FUT8: variants seen among roughly 807,000 people sequenced by gnomAD.
FUT8 encodes fucosyltransferase 8, also known as alpha-(1,6)-fucosyltransferase.
A neutral mutation model predicts 71.3 loss-of-function variants in FUT8; 29 were observed. The ratio of observed to expected loss-of-function variants is 0.41; its 90% CI spans 0.30 to 0.55. FUT8 has a LOEUF of 0.55. FUT8 is among the 20% of genes least tolerant of loss of function. The pLI, the probability that FUT8 is intolerant of heterozygous loss-of-function variation, is 0.34. For missense variants in FUT8, 544 were observed against 702.1 expected (o/e 0.77, Z 2.55); for synonymous variants, 254 against 239.3 (o/e 1.06, Z -0.57).
the FUT8 span, among the ~76,000 whole-genome samples, chr14:65,388,831 T>C: frequency 4.2e-4 from 64 of 152,206 alleles, no homozygotes; most frequent in Admixed American, 9.2e-4. Context: ...ATCCACATAA[T>C]GGAATATTGT....
chr14:65,628,708 TTACTC>T (rs1594834688), intron 5 of FUT8, among the ~76,000 whole-genome samples: 1 of 152,118 alleles, frequency 6.6e-6, no homozygotes, highest in African/African-American at 2.4e-5. Context: ...AGATTTTACT[TTACTC>T]TGCAGGTAAT....
At chr14:65,444,250 AT>A in intron 1 of FUT8, among the ~76,000 whole-genome samples, 1 of 152,248 alleles carries the variant, frequency 6.6e-6, no homozygotes, top group Non-Finnish European at 1.5e-5. Flanking sequence ...ACGAGATACC[AT>A]TACTTACCTA....
At chr14:65,542,360 A>G (rs1227743243) in intron 2 of FUT8, among the ~76,000 whole-genome samples, 3 of 152,150 alleles carry the variant, frequency 2.0e-5, no homozygotes, top group Non-Finnish European at 4.4e-5. Context: ...CCATCATCCA[A>G]CATTATCAGA....
intron 10 of FUT8, among the ~76,000 whole-genome samples, chr14:65,737,673 G>A (rs1342813891): frequency 2.0e-5 from 3 of 152,090 alleles, no homozygotes; most frequent in African/African-American, 7.2e-5. Context: ...GGTTGCAGAT[G>A]CTCACTTTAA....
Position 65,669,725 on chromosome 14 carries a change from C to T in FUT8, c.835+245C>T, listed in dbSNP as rs79774490. ...AAATCACTGAGTTTTTTTCAGGGAG[C>T]ATAATTTAATCTTTTAATAATAATG... On this transcript the variant is annotated intron_variant, in intron 7 of 10. Transcript: ENST00000673929. The surrounding 1 kb of genome is among the most constrained non-coding windows in gnomAD (Gnocchi z 4.5). Among the ~76,000 whole-genome samples, 597 of 151,924 alleles carry T rather than the reference C, an allele frequency of 3.9e-3. 5 individuals are homozygous for T. Among genetic ancestry groups the T allele is most frequent in the East Asian group, 0.035 (183 of 5,176 alleles).
intron 2 of FUT8, among the ~76,000 whole-genome samples, chr14:65,459,824 T>G (rs1445143644): frequency 6.6e-6 from 1 of 152,130 alleles, no homozygotes; most frequent in Non-Finnish European, 1.5e-5. Flanking sequence ...CTTGATTCAC[T>G]GTGAGAAACA....
chr14:65,702,903 C>T (rs572057327), intron 7 of FUT8, among the ~76,000 whole-genome samples: 4 of 152,204 alleles, frequency 2.6e-5, no homozygotes, highest in African/African-American at 9.6e-5. Flanking sequence ...CATGCCACCA[C>T]GCCCAGCTAA....
chr14:65,722,325 C>T (rs930051435), intron 8 of FUT8, among the ~76,000 whole-genome samples: 2 of 152,068 alleles, frequency 1.3e-5, no homozygotes, highest in African/African-American at 4.8e-5. Flanking sequence ...GAGATAGGGT[C>T]TCACTCTGTC....
the FUT8 span, among the ~76,000 whole-genome samples, chr14:65,383,581 C>A: frequency 6.6e-6 from 1 of 152,088 alleles, no homozygotes; most frequent in African/African-American, 2.4e-5. Flanking sequence ...CATTGGATTT[C>A]TTTTACCCAA....
At chr14:65,471,085 G>A (rs1210145153) in intron 2 of FUT8, 4 of 467,510 alleles carry the variant, frequency 8.6e-6, no homozygotes, top group East Asian at 7.0e-5. Flanking sequence ...TACAAGAGCT[G>A]TACTGATGTG....
chr14:65,635,120 T>C (rs532905402), intron 6 of FUT8, among the ~76,000 whole-genome samples: 1 of 152,218 alleles, frequency 6.6e-6, no homozygotes, highest in African/African-American at 2.4e-5. Flanking sequence ...AGGGGTTGAG[T>C]TCTTGAATTG....
intron 5 of FUT8, among the ~76,000 whole-genome samples, chr14:65,617,955 T>A (rs968186969): frequency 3.5e-4 from 51 of 145,602 alleles, no homozygotes; most frequent in Non-Finnish European, 7.3e-4. Flanking sequence ...AAAAAAAGAT[T>A]TGAGTAATCA....
intron 7 of FUT8, among the ~76,000 whole-genome samples, chr14:65,699,831 G>A (rs1443071576): frequency 1.3e-5 from 2 of 151,868 alleles, no homozygotes; most frequent in Non-Finnish European, 2.9e-5. Context: ...TTTTATATAG[G>A]TTAGAGGAAA....
intron 1 of FUT8, among the ~76,000 whole-genome samples, chr14:65,441,280 T>A (rs972734873): frequency 2.0e-5 from 3 of 152,230 alleles, no homozygotes; most frequent in Non-Finnish European, 4.4e-5. Flanking sequence ...GAAATACAGA[T>A]GTCAGTTTAA....
chr14:65,444,499 T>A (rs1595384229), intron 1 of FUT8, among the ~76,000 whole-genome samples: 1 of 152,188 alleles, frequency 6.6e-6, no homozygotes, highest in South Asian at 2.1e-4. Flanking sequence ...GCTCTGTTCA[T>A]AATTGCCCAA....
chr14:65,666,085 A>T (rs901524041), intron 6 of FUT8, among the ~76,000 whole-genome samples: 5 of 149,376 alleles, frequency 3.3e-5, no homozygotes, highest in South Asian at 2.1e-4. Flanking sequence ...CTTAAAATTT[A>T]AAAAAAAAAC....
At position 65,472,942 on chromosome 14, in the gene FUT8, A is replaced by T. The variant is rs942400059; in HGVS notation, c.-228+17224A>T. Among the ~76,000 whole-genome samples the T allele has an allele frequency of 1.3e-5, 2 of 152,184 alleles. No individual in the cohort carries two copies. Among genetic ancestry groups the T allele is most frequent in the Non-Finnish European group, 2.9e-5 (2 of 68,012 alleles). ...TTTTATTTTCTTTAGAAAACTTTAC[A>T]TTGAAAAGATCACATTATAGATAAT... On this transcript the variant is annotated intron_variant, in intron 2 of 10. Transcript: ENST00000673929. The surrounding 1 kb of genome is among the most constrained non-coding windows in gnomAD (Gnocchi z 4.4).
rs1166551320 is a variant in FUT8 at position 65,627,613 on chromosome 14, T to A, written c.483-1879T>A. Among the ~76,000 whole-genome samples, 1 of 152,246 alleles carries A rather than the reference T, an allele frequency of 6.6e-6. No individual in the cohort carries two copies. The highest frequency in any genetic ancestry group is 1.5e-5 in the Non-Finnish European group (1 of 68,050). On this transcript the variant is annotated intron_variant, in intron 5 of 10. Transcript: ENST00000673929. This position sits in a 1 kb window ranked among gnomAD's most constrained non-coding sequence, Gnocchi z 4.0. ...GCCAGCACTTGGGAGGGATCGCATATGCAGTGTGTTTACTGAAGTTGTGCA... is the reference window on the plus strand; with the variant it reads ...GCCAGCACTTGGGAGGGATCGCATAAGCAGTGTGTTTACTGAAGTTGTGCA...
At chr14:65,432,227 C>T (rs1317297220) in intron 1 of FUT8, among the ~76,000 whole-genome samples, 2 of 152,096 alleles carry the variant, frequency 1.3e-5, no homozygotes, top group African/African-American at 2.4e-5. Flanking sequence ...TGAAATGTTA[C>T]CTATTCTTTT....
Sources: allele counts gnomAD v4.1 joint callset (sites outside exome capture counted in the v4.1 genomes callset), GRCh38; gene constraint gnomAD v4.1.1; non-coding constraint Gnocchi (gnomAD v3.1); transcripts MANE v1.5; gene names NCBI Gene and HGNC (gene_info 2026-07-23, HGNC 2026-07-21).